Variants in KSR1 observed in about 807,000 individuals in gnomAD.
KSR1 encodes kinase suppressor of ras 1, also known as kinase suppressor of ras.
A neutral mutation model predicts 92.9 loss-of-function variants in KSR1; 35 were observed. The observed-to-expected ratio is 0.38, with a 90% confidence interval of 0.29 to 0.50. The LOEUF (loss-of-function observed/expected upper bound fraction) is 0.50. Among genes scored for constraint, KSR1 ranks in the 20% least tolerant of loss-of-function variants. The pLI is 0.94. For missense variants in KSR1, 972 were observed against 1,158.5 expected (o/e 0.84, Z 2.34); for synonymous variants, 467 against 472.6 (o/e 0.99, Z 0.15).
At chr17:27,614,899 G>A (rs1056120286) in intron 18 of KSR1, among the ~76,000 whole-genome samples, 2 of 152,144 alleles carry the variant, frequency 1.3e-5, no homozygotes, top group Admixed American at 6.5e-5. Flanking sequence ...GGGAACATTG[G>A]TCAACGCAAT....
At chr17:27,489,281 A>G (rs2068754420) in intron 1 of KSR1, among the ~76,000 whole-genome samples, 1 of 152,196 alleles carries the variant, frequency 6.6e-6, no homozygotes, top group Admixed American at 6.5e-5. Flanking sequence ...ACTCAGCTGC[A>G]GGCTTGGCTC....
intron 1 of KSR1, among the ~76,000 whole-genome samples, chr17:27,510,091 A>G (rs1033881573): frequency 4.6e-5 from 7 of 152,198 alleles, no homozygotes; most frequent in Non-Finnish European, 8.8e-5. Flanking sequence ...CTCTCTTCAC[A>G]CAAGTTCACC....
chr17:27,566,911 C>T (rs569939432), intron 2 of KSR1, among the ~76,000 whole-genome samples: 2 of 152,244 alleles, frequency 1.3e-5, no homozygotes, highest in Admixed American at 1.3e-4. Context: ...TAGGCTGATC[C>T]AGCTCTACCT....
chr17:27,604,334 C>T (rs538050396), intron 12 of KSR1, among the ~76,000 whole-genome samples: 22 of 152,290 alleles, frequency 1.4e-4, no homozygotes, highest in African/African-American at 4.1e-4. Context: ...AGCTAGGAAG[C>T]GATAGAGCTG....
chr17:27,544,751 T>G (rs1323773397), intron 1 of KSR1, among the ~76,000 whole-genome samples: 2 of 152,218 alleles, frequency 1.3e-5, no homozygotes, highest in African/African-American at 4.8e-5. Context: ...GTTTTGTGGT[T>G]AAGAGAAAAT....
intron 7 of KSR1, among the ~76,000 whole-genome samples, chr17:27,591,715 G>T (rs546400045): frequency 1.8e-4 from 28 of 152,310 alleles, no homozygotes; most frequent in Middle Eastern, 3.4e-3. Flanking sequence ...TGGCCACTTG[G>T]TTTACATTAG....
intron 18 of KSR1, among the ~76,000 whole-genome samples, chr17:27,616,911 C>T (rs1032559546): frequency 2.6e-5 from 4 of 152,224 alleles, no homozygotes; most frequent in East Asian, 1.9e-4. Flanking sequence ...ACTGCAGCCC[C>T]GCCTTGCGCA....
intron 1 of KSR1, among the ~76,000 whole-genome samples, chr17:27,469,152 G>A (rs945487801): frequency 6.6e-6 from 1 of 152,162 alleles, no homozygotes; most frequent in African/African-American, 2.4e-5. Flanking sequence ...CCCGGATCCA[G>A]CACCTGTAAA....
At chr17:27,544,883 T>C (rs2071104050) in intron 1 of KSR1, among the ~76,000 whole-genome samples, 2 of 152,220 alleles carry the variant, frequency 1.3e-5, no homozygotes, top group South Asian at 4.1e-4. Context: ...TTCCAAGAAG[T>C]GAGAGCAGCT....
intron 1 of KSR1, among the ~76,000 whole-genome samples, chr17:27,521,956 T>C (rs1450011175): frequency 6.6e-6 from 1 of 152,260 alleles, no homozygotes; most frequent in African/African-American, 2.4e-5. Context: ...TTCCTTTCTC[T>C]TGCACATATT....
At chr17:27,496,770 C>T (rs1382775710) in intron 1 of KSR1, among the ~76,000 whole-genome samples, 1 of 152,224 alleles carries the variant, frequency 6.6e-6, no homozygotes, top group East Asian at 1.9e-4. Context: ...CGCAGGGCCT[C>T]TTACTTCTGT....
chr17:27,472,904 G>A (rs956099528), intron 1 of KSR1, among the ~76,000 whole-genome samples: 15 of 152,192 alleles, frequency 9.9e-5, no homozygotes, highest in African/African-American at 2.9e-4. Context: ...TATGGCTAAT[G>A]TGAAGTGGAC....
chr17:27,470,482 C>T (rs1320690245), intron 1 of KSR1, among the ~76,000 whole-genome samples: 1 of 152,006 alleles, frequency 6.6e-6, no homozygotes, highest in African/African-American at 2.4e-5. Context: ...CCTCGTGATC[C>T]ACCCACCTCG....
chr17:27,548,204 TA>T (rs947561675), intron 1 of KSR1, among the ~76,000 whole-genome samples: 1 of 139,082 alleles, frequency 7.2e-6, no homozygotes, highest in African/African-American at 2.7e-5. Context: ...AAGACCAGCC[TA>T]GGCAACATAG....
At chr17:27,483,325 C>T (rs760703583) in intron 1 of KSR1, among the ~76,000 whole-genome samples, 5 of 152,070 alleles carry the variant, frequency 3.3e-5, no homozygotes, top group Non-Finnish European at 7.4e-5. Flanking sequence ...CAGTGGCTCA[C>T]GCCTGTAATC....
At position 27,611,576 on chromosome 17, in the gene KSR1, G is replaced by A. The variant is rs770606229; in HGVS notation, c.2440G>A (p.Gly814Arg). The change falls in exon 18 of 21, where the codon GGG (glycine) becomes AGG (arginine). Residue 814 changes from glycine (G) to arginine (R), a missense_variant. Physicochemically the swap from Gly to Arg is moderately radical, Grantham distance 125 (BLOSUM62 -2). Transcript: ENST00000644974. ...AEASIWQIGSGEGMKRVLTSV... is the reference protein window; with the variant it reads ...AEASIWQIGSREGMKRVLTSV... ...GGCATCCATCTGGCAGATTGGAAGC[G>A]GGGAAGGAATGAAGCGTGTCCTGAC... 6 of 1,613,904 alleles carry A rather than the reference G, an allele frequency of 3.7e-6. No individual in the cohort carries two copies. The highest frequency in any genetic ancestry group is 2.2e-5 in the East Asian group (1 of 44,882).
At chr17:27,566,751 G>A (rs562000447) in intron 2 of KSR1, among the ~76,000 whole-genome samples, 1 of 152,356 alleles carries the variant, frequency 6.6e-6, no homozygotes, top group South Asian at 2.1e-4. Context: ...GTGTGATAAA[G>A]TCACTGGGGA....
intron 17 of KSR1, among the ~76,000 whole-genome samples, chr17:27,611,110 G>A (rs1267455839): frequency 6.6e-6 from 1 of 152,194 alleles, no homozygotes; most frequent in Non-Finnish European, 1.5e-5. Context: ...ACCCATGTGT[G>A]CCAGGTGCTG....
chr17:27,580,128 T>C (rs2072691279), intron 3 of KSR1, among the ~76,000 whole-genome samples: 1 of 152,164 alleles, frequency 6.6e-6, no homozygotes, highest in African/African-American at 2.4e-5. Flanking sequence ...GGTGATTAAA[T>C]AGGCAACTTG....
Sources: allele counts gnomAD v4.1 joint callset (sites outside exome capture counted in the v4.1 genomes callset), GRCh38; gene constraint gnomAD v4.1.1; transcripts MANE v1.5; gene names NCBI Gene and HGNC (gene_info 2026-07-23, HGNC 2026-07-21).